The following NF1 variants were observed in gnomAD, a reference collection of about 807,000 sequenced individuals.
NF1 encodes the protein neurofibromin.
NF1 carries 122 observed loss-of-function variants against 325.7 expected under a neutral mutation model. The observed-to-expected ratio is 0.37, with a 90% CI of 0.32 to 0.44. The LOEUF (loss-of-function observed/expected upper bound fraction) is 0.44, where lower values mean the gene tolerates loss of function less well. Ranked by LOEUF, NF1 falls within the 20% of genes least tolerant of loss-of-function variation. The pLI, the probability that NF1 is intolerant of heterozygous loss-of-function variation, is 1.00. For synonymous variants in NF1, 1,091 were observed against 1,186.0 expected (o/e 0.92, Z 1.65); for missense variants, 2,140 against 3,415.4 (o/e 0.63, Z 9.31).
intron 24 of NF1, among the ~76,000 whole-genome samples, chr17:31,231,138 G>A (rs777452708): frequency 2.1e-4 from 32 of 152,220 alleles, no homozygotes; most frequent in Non-Finnish European, 3.1e-4. Flanking sequence ...TGATATGTTT[G>A]GGAAGTTAGT....
At chr17:31,362,748 GT>G (rs1374022060) in intron 57 of NF1, among the ~76,000 whole-genome samples, 2 of 152,082 alleles carry the variant, frequency 1.3e-5, no homozygotes, top group Non-Finnish European at 2.9e-5. Context: ...AAAATGGTTA[GT>G]TTTTTTATTG....
chr17:31,148,512 G>C (rs1278015838), intron 1 of NF1, among the ~76,000 whole-genome samples: 1 of 151,288 alleles, frequency 6.6e-6, no homozygotes, highest in African/African-American at 2.4e-5. Context: ...CTATGGGATT[G>C]GTCATTAGTC....
chr17:31,195,462 C>T (rs1326291821), intron 8 of NF1, among the ~76,000 whole-genome samples: 2 of 152,244 alleles, frequency 1.3e-5, no homozygotes, highest in African/African-American at 4.8e-5. Context: ...TCTTTCACAT[C>T]GTTGTGCAAT....
chr17:31,263,614 C>G (rs2151468445), intron 35 of NF1, among the ~76,000 whole-genome samples: 1 of 151,370 alleles, frequency 6.6e-6, no homozygotes, highest in East Asian at 1.9e-4. Flanking sequence ...CCTACCTTCC[C>G]TTACAAAGCA....
In NF1 at chr17:31,214,485, A is replaced by C. The variant is rs1328965425; in HGVS notation, c.1427A>C (p.Lys476Thr). 6.2e-7 allele frequency: 1 copy of C among 1,606,814 alleles called. No individual in the cohort carries two copies. Among genetic ancestry groups the C allele is most frequent in the Non-Finnish European group, 8.5e-7 (1 of 1,174,938 alleles). Residue 476 changes from lysine (K) to threonine (T), a missense_variant, in exon 13 of 58, where the codon AAA becomes ACA. By Grantham distance (78) the Lys-to-Thr change is moderately conservative (BLOSUM62 -1). Coordinates refer to ENST00000358273, the MANE Select transcript of NF1 (RefSeq NM_001042492.3). ...LTFKEKVTSL[K>T]FKEKPTDLET... is the part of the protein sequence containing the mutation. Reference sequence around the variant, plus strand: ...TTTAAAGAAAAAGTAACAAGCCTTAAATTTAAAGAAAAACCTACAGACCTG... The same window carrying C: ...TTTAAAGAAAAAGTAACAAGCCTTACATTTAAAGAAAAACCTACAGACCTG...
intron 57 of NF1, 52 bp downstream of exon 57, chr17:31,360,755 C>A (rs2151588482): frequency 6.8e-7 from 1 of 1,464,452 alleles, no homozygotes; most frequent in Non-Finnish European, 9.6e-7. Flanking sequence ...AAGACACCAA[C>A]ATTAGGAATT....
At chr17:31,372,013 A>G (rs552334331) in intron 57 of NF1, among the ~76,000 whole-genome samples, 76 of 152,364 alleles carry the variant, frequency 5.0e-4, no homozygotes, top group Middle Eastern at 3.4e-3. Flanking sequence ...TGAGCCAACA[A>G]ATAACTAACT....
At chr17:31,113,326 A>G (rs1321975915) in intron 1 of NF1, among the ~76,000 whole-genome samples, 1 of 152,012 alleles carries the variant, frequency 6.6e-6, no homozygotes, top group Non-Finnish European at 1.5e-5. Context: ...CCTAGGCTTC[A>G]TAGCTCACTT....
intron 57 of NF1, among the ~76,000 whole-genome samples, chr17:31,366,259 G>A (rs2070518386): frequency 1.3e-5 from 2 of 152,106 alleles, no homozygotes; most frequent in Admixed American, 1.3e-4. Context: ...CTAGGAAAAA[G>A]GCTTTAACTT....
At chr17:31,252,494 G>C (rs1250445015) in intron 30 of NF1, 1 of 202,556 alleles carries the variant, frequency 4.9e-6, no homozygotes, top group Admixed American at 6.0e-5. Flanking sequence ...GTTGGAAAAA[G>C]AACTTAAAGT....
At chr17:31,112,551 C>T (rs1458371191) in intron 1 of NF1, among the ~76,000 whole-genome samples, 1 of 152,142 alleles carries the variant, frequency 6.6e-6, no homozygotes, top group Non-Finnish European at 1.5e-5. Context: ...TATTGAGCAT[C>T]TTTTCATGTG....
intron 1 of NF1, among the ~76,000 whole-genome samples, chr17:31,142,590 G>A (rs889974916): frequency 2.4e-4 from 36 of 151,972 alleles, no homozygotes; most frequent in African/African-American, 8.5e-4. Flanking sequence ...AAATGAGGCC[G>A]GGCACTGTGG....
At chr17:31,296,260 G>A (rs745504182) in intron 36 of NF1, 10 of 1,613,956 alleles carry the variant, frequency 6.2e-6, no homozygotes, top group Non-Finnish European at 5.9e-6. Context: ...GAGGACAAAT[G>A]CATAAAATAC....
chr17:31,103,866 G>C (rs899586790), intron 1 of NF1, among the ~76,000 whole-genome samples: 5 of 151,524 alleles, frequency 3.3e-5, no homozygotes, highest in Non-Finnish European at 5.9e-5. Flanking sequence ...TGAAAGTAAA[G>C]AAAAGAAAAA....
rs1060500279 is a variant in NF1 at position 31,327,651 on chromosome 17, C to T, written c.5421C>T (p.Gly1807=). ...TCACCTTAACCATTGCAAACCAGGG[C>T]ACGCCGCTCACCTTCATGCACCAGG... The part of the protein sequence containing the change: ...NQFTLTIANQ[G]TPLTFMHQEC... The change falls in exon 38 of 58, where the codon GGC becomes GGT. Residue 1807 remains glycine, a synonymous_variant. Coordinates refer to ENST00000358273, the MANE Select transcript of NF1 (RefSeq NM_001042492.3). 1.2e-6 allele frequency: 2 copies of T among 1,614,154 alleles called. No homozygotes were observed. Among genetic ancestry groups the T allele is most frequent in the African/African-American group, 1.3e-5 (1 of 75,014 alleles).
intron 45 of NF1, 23 bp from the exon 46 acceptor site, chr17:31,338,681 A>C (rs2069741284): frequency 6.7e-7 from 1 of 1,494,328 alleles, no homozygotes. Flanking sequence ...AAAGTAAAAT[A>C]AAAAATTCTG....
intron 1 of NF1, among the ~76,000 whole-genome samples, chr17:31,145,726 G>A (rs1916539955): frequency 6.6e-6 from 1 of 152,068 alleles, no homozygotes; most frequent in Non-Finnish European, 1.5e-5. Context: ...GAGTAAAGGT[G>A]GAGGCCAAAA....
chr17:31,165,605 C>CGTCAAT (rs2065832698), intron 4 of NF1, among the ~76,000 whole-genome samples: 1 of 152,146 alleles, frequency 6.6e-6, no homozygotes, highest in Admixed American at 6.5e-5. Context: ...CCATTCTCCC[C>CGTCAAT]GTCAATGTTT....
Position 31,357,028 on chromosome 17 carries a change from G to C in NF1, c.7807G>C (p.Val2603Leu), listed in dbSNP as rs766135206. 8.7e-6 allele frequency: 14 copies of C among 1,613,942 alleles called. No homozygotes were observed. In the Admixed American group the frequency reaches 2.2e-4, roughly 25 times the overall value. Reference sequence around the variant, plus strand: ...TAAAGTTTCAGTGTCTGAATCAAATGTTCTCTTGGATGAAGAAGTACTTAC... The same window carrying C: ...TAAAGTTTCAGTGTCTGAATCAAATCTTCTCTTGGATGAAGAAGTACTTAC... ...LRKVSVSESNVLLDEEVLTDP... is the reference protein window; with the variant it reads ...LRKVSVSESNLLLDEEVLTDP... The change falls in exon 53 of 58, where the codon GTT becomes CTT. Residue 2603 changes from valine (V) to leucine (L), a missense_variant. Around this residue, in one of 10 missense-constraint regions of NF1, gnomAD observed 522 missense variants for 749.0 expected, o/e 0.70. Coordinates refer to ENST00000358273, the MANE Select transcript of NF1 (RefSeq NM_001042492.3).
Sources: gnomAD v4.1 joint callset for allele counts (sites outside exome capture counted in the v4.1 genomes callset) on GRCh38, gnomAD v4.1.1 for gene constraint, gnomAD v4.1.1 regional missense constraint, MANE v1.5 for transcripts, NCBI Gene and HGNC (gene_info 2026-07-23, HGNC 2026-07-21) for gene names.